NAV1: variants seen among roughly 807,000 people sequenced by gnomAD.
The protein encoded by NAV1 is neuron navigator 1.
Under a neutral mutation model 175.2 loss-of-function variants are expected in NAV1, and 18 were observed. That is an observed-to-expected ratio of 0.10 (90% CI 0.07 to 0.15). The LOEUF (loss-of-function observed/expected upper bound fraction) is 0.15. Ranked by LOEUF, NAV1 falls within the 10% of genes least tolerant of loss-of-function variation. The probability of loss-of-function intolerance (pLI) is 1.00; values close to 1 mark genes in which losing one functional copy is unlikely to be tolerated. For missense variants in NAV1, 1,731 were observed against 2,436.6 expected, an observed-to-expected ratio of 0.71 and a Z score of 6.10; for synonymous variants, 897 against 978.7, an observed-to-expected ratio of 0.92 and a Z score of 1.56.
chr1:201,680,279 G>A (rs1262825585), intron 1 of NAV1, among the ~76,000 whole-genome samples: 4 of 152,186 alleles, frequency 2.6e-5, no homozygotes, highest in African/African-American at 7.2e-5. Context: ...GGAGGCCGAG[G>A]TGGGCGGATC....
intron 2 of NAV1, among the ~76,000 whole-genome samples, chr1:201,597,877 C>T (rs1426947313): frequency 2.0e-5 from 3 of 152,242 alleles, no homozygotes; most frequent in Admixed American, 2.0e-4. Context: ...ATCTCCTGCC[C>T]AACTCCATTG....
chr1:201,623,435 G>T (rs1668235585), exon 1 of NAV1: 1 of 985,938 alleles, frequency 1.0e-6, no homozygotes, highest in Admixed American at 6.1e-5. Context: ...AAAAGTTCTG[G>T]GACCCCCAGG....
intron 2 of NAV1, among the ~76,000 whole-genome samples, chr1:201,715,031 A>G (rs1672077746): frequency 6.6e-6 from 1 of 152,172 alleles, no homozygotes; most frequent in South Asian, 2.1e-4. Flanking sequence ...TTTATAGGAA[A>G]GGAACCAAGA....
rs1158900545 is a variant in NAV1, at chr1:201,606,779, A to G, written c.-32-16074A>G. On this transcript the variant is annotated intron_variant, in intron 2 of 33. Transcript: ENST00000685211. ...CTTGGCCTGACTGTTCAAGGCCCCC[A>G]GCAAAGGCTACATTCCCACTGCTGA... Among the ~76,000 whole-genome samples, 3 of 152,236 alleles carry G rather than the reference A, an allele frequency of 2.0e-5. No individual in the cohort carries two copies. The East Asian group carries it at 5.8e-4, about 29-fold the overall frequency.
intron 17 of NAV1, among the ~76,000 whole-genome samples, chr1:201,806,928 CCTT>C (rs1678323594): frequency 6.6e-6 from 1 of 152,192 alleles, no homozygotes; most frequent in South Asian, 2.1e-4. Flanking sequence ...TCAAATTTTT[CCTT>C]CTTTTTTCTC....
exon 1 of NAV1, chr1:201,648,388 C>T (rs1255375991): frequency 9.0e-6 from 11 of 1,227,652 alleles, no homozygotes; most frequent in Non-Finnish European, 1.1e-5. Flanking sequence ...TTCCCCGCCG[C>T]CCCGCCCCTT....
At chr1:201,659,769 G>A (rs533167414) in intron 1 of NAV1, among the ~76,000 whole-genome samples, 1 of 152,354 alleles carries the variant, frequency 6.6e-6, no homozygotes, top group Admixed American at 6.5e-5. Context: ...CGAGCAGATG[G>A]TCCTTCAGGG....
At position 201,594,713 on chromosome 1, in the gene NAV1, G is replaced by A. The variant is rs183310514; in HGVS notation, c.-33+6064G>A. ...GTGAGTGAGGGGCTGTGGGGTTTACGGGGAGCTGGCCTTTCTCTGGACAGC... is the reference window on the plus strand; with the variant it reads ...GTGAGTGAGGGGCTGTGGGGTTTACAGGGAGCTGGCCTTTCTCTGGACAGC... On this transcript the variant is annotated intron_variant, in intron 2 of 33. Transcript: ENST00000685211. Among the ~76,000 whole-genome samples, 678 of 152,330 alleles carry A rather than the reference G, an allele frequency of 4.5e-3. 1 individual carries two copies. Among genetic ancestry groups the A allele is most frequent in the Non-Finnish European group, 7.2e-3 (493 of 68,020 alleles).
chr1:201,803,773 C>G, intron 16 of NAV1, 59 bp downstream of exon 20: 1 of 1,581,346 alleles, frequency 6.3e-7, no homozygotes, highest in South Asian at 1.1e-5. Context: ...GCCTTCACCT[C>G]AGCATAGGGA....
At chr1:201,567,006 A>G (rs1253993156) in intron 1 of NAV1, among the ~76,000 whole-genome samples, 1 of 152,006 alleles carries the variant, frequency 6.6e-6, no homozygotes, top group South Asian at 2.1e-4. Flanking sequence ...TCCCCAAACC[A>G]CAGGGTGCTG....
At chr1:201,730,403 T>A (rs78858845) in intron 3 of NAV1, among the ~76,000 whole-genome samples, 5,923 of 152,256 alleles carry the variant, frequency 0.039, 266 homozygotes, top group East Asian at 0.11. Context: ...CACGTTCCAG[T>A]GCACCTACTG....
At chr1:201,811,819 G>A in intron 25 of NAV1, 62 bp downstream of exon 29, 1 of 1,610,056 alleles carries the variant, frequency 6.2e-7, no homozygotes, top group Non-Finnish European at 8.5e-7. Flanking sequence ...CCCAGTCCAG[G>A]ACAACCTATG....
At chr1:201,649,220 G>T (rs1285371170) in exon 1 of NAV1, 3 of 1,613,038 alleles carry the variant, frequency 1.9e-6, no homozygotes, top group African/African-American at 2.7e-5. Flanking sequence ...AGGTCAAGCC[G>T]CTCAGCAAGG....
intron 1 of NAV1, among the ~76,000 whole-genome samples, chr1:201,654,502 ATATACCGCACC>A (rs1669327220): frequency 6.7e-6 from 1 of 150,178 alleles, no homozygotes; most frequent in African/African-American, 2.4e-5. Context: ...TTCCACACAC[ATATACCGCACC>A]TCACAGCCTC....
At chr1:201,628,389 G>T (rs755827328) in intron 1 of NAV1, among the ~76,000 whole-genome samples, 1 of 152,146 alleles carries the variant, frequency 6.6e-6, no homozygotes, top group Non-Finnish European at 1.5e-5. Context: ...GCCTTGAGGG[G>T]CATCTTTTCA....
intron 2 of NAV1, among the ~76,000 whole-genome samples, chr1:201,716,661 T>C (rs907949667): frequency 6.6e-6 from 1 of 152,150 alleles, no homozygotes; most frequent in African/African-American, 2.4e-5. Context: ...GGAGGATTGC[T>C]TGAGTTCAGG....
At chr1:201,702,684 C>T (rs79505294) in intron 1 of NAV1, among the ~76,000 whole-genome samples, 21 of 121,296 alleles carry the variant, frequency 1.7e-4, no homozygotes, top group African/African-American at 6.1e-4. Context: ...CTCTCTCTCT[C>T]TCTCTCTCTC....
At chr1:201,591,952 C>G (rs960913220) in intron 2 of NAV1, among the ~76,000 whole-genome samples, 5 of 152,218 alleles carry the variant, frequency 3.3e-5, no homozygotes, top group African/African-American at 1.2e-4. Context: ...TAGAGCAACC[C>G]TGCTCAGGGT....
intron 3 of NAV1, among the ~76,000 whole-genome samples, chr1:201,729,502 G>A (rs182756382): frequency 2.0e-5 from 3 of 152,186 alleles, no homozygotes; most frequent in East Asian, 1.9e-4. Context: ...TTAGCTGGGC[G>A]TGGTGGCAGG....
Sources: gnomAD v4.1 joint callset for allele counts (sites outside exome capture counted in the v4.1 genomes callset) on GRCh38, gnomAD v4.1.1 for gene constraint, MANE v1.5 for transcripts, NCBI Gene and HGNC (gene_info 2026-07-23, HGNC 2026-07-21) for gene names.